Variants in DGKH observed in about 807,000 individuals in gnomAD.
DGKH encodes diacylglycerol kinase eta, also known as DAG kinase eta.
In DGKH, 90 loss-of-function variants were observed where a neutral mutation model predicts 159.3. That is an observed-to-expected ratio of 0.57 (90% CI 0.48 to 0.67). DGKH has a LOEUF of 0.67. Among genes scored for constraint, DGKH ranks in the 30% least tolerant of loss-of-function variants. The probability of loss-of-function intolerance (pLI) is 0.00; values close to 1 mark genes in which losing one functional copy is unlikely to be tolerated. For missense variants in DGKH, 1,181 were observed against 1,506.1 expected (o/e 0.78, Z 3.57); for synonymous variants, 536 against 553.8 (o/e 0.97, Z 0.45).
chr13:42,229,142 A>C lies in DGKH; in HGVS notation c.3617A>C (p.Gln1206Pro). Residue 1206 changes from glutamine (Q) to proline (P), a missense_variant, in exon 30 of 30, where the codon CAG becomes CCG. Coordinates refer to ENST00000337343, the MANE Select transcript of DGKH (RefSeq NM_178009.5). ...PKVGHVKRIL[Q>P]GIKELGRSTP... The stretch of plus-strand genomic sequence containing the variant: ...GTGGGTCATGTGAAGCGAATTCTCC[A>C]GGGAATTAAAGAGCTTGGAAGGAGC... 6.2e-7 allele frequency: 1 copy of C among 1,611,604 alleles called. No individual in the cohort carries two copies. The highest frequency in any genetic ancestry group is 8.5e-7 in the Non-Finnish European group (1 of 1,179,348).
intron 15 of DGKH, among the ~76,000 whole-genome samples, chr13:42,190,180 ATACTT>A (rs1957027081): frequency 1.3e-5 from 2 of 152,274 alleles, no homozygotes; most frequent in East Asian, 1.9e-4. Flanking sequence ...TAAAATTCTT[ATACTT>A]TACTTGTTTA....
At chr13:42,126,730 G>A (rs1333016859) in intron 1 of DGKH, among the ~76,000 whole-genome samples, 2 of 152,030 alleles carry the variant, frequency 1.3e-5, no homozygotes, top group African/African-American at 4.8e-5. Flanking sequence ...TTCTACTTTT[G>A]CACACACCTA....
intron 13 of DGKH, among the ~76,000 whole-genome samples, chr13:42,184,048 A>G (rs190600948): frequency 1.1e-3 from 163 of 152,356 alleles, no homozygotes; most frequent in Admixed American, 2.2e-3. Context: ...TTTGGAATCT[A>G]CTTTAGGGAT....
intron 13 of DGKH, among the ~76,000 whole-genome samples, chr13:42,184,787 A>G (rs1956867185): frequency 6.6e-6 from 1 of 151,952 alleles, no homozygotes; most frequent in Non-Finnish European, 1.5e-5. Context: ...GGATCACTTG[A>G]GCCCAGGAGT....
intron 2 of DGKH, among the ~76,000 whole-genome samples, chr13:42,128,035 C>T (rs928194132): frequency 1.3e-5 from 2 of 152,098 alleles, no homozygotes; most frequent in Non-Finnish European, 2.9e-5. Flanking sequence ...CTGTGGACAG[C>T]ATGTGTTGCT....
chr13:42,064,977 C>T (rs1302060777), intron 1 of DGKH, among the ~76,000 whole-genome samples: 1 of 152,032 alleles, frequency 6.6e-6, no homozygotes, highest in Non-Finnish European at 1.5e-5. Context: ...CCTCTTCAAA[C>T]CTTACTTTTC....
At chr13:42,188,977 T>A in intron 14 of DGKH, 59 bp from the exon 15 acceptor site, 3 of 1,558,486 alleles carry the variant, frequency 1.9e-6, no homozygotes, top group Non-Finnish European at 2.6e-6. Context: ...TTCTTGTACT[T>A]TGTCTGCTGA....
intron 29 of DGKH, chr13:42,225,394 G>A (rs1458524254): frequency 7.1e-7 from 1 of 1,406,974 alleles, no homozygotes; most frequent in Non-Finnish European, 9.6e-7. Flanking sequence ...AGTTGTGTAT[G>A]TATGGCTGGA....
intron 1 of DGKH, among the ~76,000 whole-genome samples, chr13:42,110,408 G>T (rs1449768557): frequency 1.3e-5 from 2 of 152,140 alleles, no homozygotes; most frequent in African/African-American, 4.8e-5. Context: ...CAAACGTGAT[G>T]TCTAGTGGTT....
At chr13:42,082,958 A>G (rs1750009) in intron 1 of DGKH, among the ~76,000 whole-genome samples, 9,926 of 152,224 alleles carry the variant, frequency 0.065, 637 homozygotes, top group African/African-American at 0.17. Flanking sequence ...TCTTCGGGAT[A>G]ATGGAAAGCT....
intron 12 of DGKH, among the ~76,000 whole-genome samples, chr13:42,177,924 C>T (rs901542907): frequency 2.0e-5 from 3 of 151,966 alleles, no homozygotes; most frequent in African/African-American, 7.3e-5. Flanking sequence ...TTATGGATTT[C>T]TATAAGAATA....
chr13:42,083,425 G>T (rs1214086237), intron 1 of DGKH, among the ~76,000 whole-genome samples: 1 of 152,130 alleles, frequency 6.6e-6, no homozygotes, highest in African/African-American at 2.4e-5. Context: ...GTTTTATTCA[G>T]CTGCGAGGCT....
intron 16 of DGKH, among the ~76,000 whole-genome samples, chr13:42,194,107 A>G (rs1957147816): frequency 6.6e-6 from 1 of 152,172 alleles, no homozygotes; most frequent in Non-Finnish European, 1.5e-5. Flanking sequence ...AAATACGTTC[A>G]TTTCACTTGA....
intron 1 of DGKH, among the ~76,000 whole-genome samples, chr13:42,074,430 A>G (rs1883169503): frequency 6.6e-6 from 1 of 152,202 alleles, no homozygotes; most frequent in African/African-American, 2.4e-5. Context: ...CCTAGATTTC[A>G]TCTTCCTGTT....
upstream of DGKH, among the ~76,000 whole-genome samples, chr13:42,047,434 A>T (rs1796675720): frequency 6.6e-6 from 1 of 152,232 alleles, no homozygotes; most frequent in African/African-American, 2.4e-5. Context: ...CAGAGATTGA[A>T]TGCTTTCTCC....
chr13:42,073,487 T>G (rs1196677197), intron 1 of DGKH, among the ~76,000 whole-genome samples: 1 of 152,192 alleles, frequency 6.6e-6, no homozygotes, highest in Non-Finnish European at 1.5e-5. Context: ...GTTTTTCACT[T>G]TCAGTACAGT....
At chr13:42,133,060 A>G (rs1955323074) in intron 3 of DGKH, among the ~76,000 whole-genome samples, 1 of 151,788 alleles carries the variant, frequency 6.6e-6, no homozygotes. Flanking sequence ...AGTCCCAGCT[A>G]CTTGGGTGGC....
chr13:42,135,962 A>G (rs1383746084), intron 3 of DGKH, among the ~76,000 whole-genome samples: 2 of 152,156 alleles, frequency 1.3e-5, no homozygotes, highest in African/African-American at 4.8e-5. Flanking sequence ...AGAGGATAGG[A>G]GCTTAGACCA....
intron 1 of DGKH, among the ~76,000 whole-genome samples, chr13:42,054,049 A>G (rs1193923115): frequency 6.6e-6 from 1 of 152,230 alleles, no homozygotes; most frequent in African/African-American, 2.4e-5. Flanking sequence ...ATATGAAAGT[A>G]TTGATTTGCA....
Sources: allele counts gnomAD v4.1 joint callset (sites outside exome capture counted in the v4.1 genomes callset), GRCh38; gene constraint gnomAD v4.1.1; transcripts MANE v1.5; gene names NCBI Gene and HGNC (gene_info 2026-07-23, HGNC 2026-07-21).